DLG2: variants seen among roughly 807,000 people sequenced by gnomAD.
The protein encoded by DLG2 is disks large homolog 2.
A neutral mutation model predicts 132.5 loss-of-function variants in DLG2; 45 were observed. The observed-to-expected ratio is 0.34, with a 90% CI of 0.27 to 0.44. DLG2 has a LOEUF of 0.44. Ranked by LOEUF, DLG2 falls within the 20% of genes least tolerant of loss-of-function variation. DLG2 has a pLI of 1.00. For missense variants in DLG2, 1,045 were observed against 1,196.9 expected (o/e 0.87, Z 1.87); for synonymous variants, 424 against 419.6 (o/e 1.01, Z -0.13).
intron 7 of DLG2, among the ~76,000 whole-genome samples, chr11:84,454,716 G>A (rs144987981): frequency 6.6e-6 from 1 of 151,418 alleles, no homozygotes; most frequent in African/African-American, 2.4e-5. Flanking sequence ...TAATCCAGCT[G>A]AGAAAATAAG....
Position 83,868,911 on chromosome 11 carries a change from T to C in DLG2, c.1565+5509A>G, listed in dbSNP as rs189171211. Among the ~76,000 whole-genome samples, 8 of 152,208 alleles carry C rather than the reference T, an allele frequency of 5.3e-5. No homozygotes were observed. In the East Asian group the frequency reaches 7.7e-4, roughly 15 times the overall value. On this transcript the variant is annotated intron_variant, in intron 16 of 27. Coordinates refer to ENST00000376104, the MANE Select transcript of DLG2 (RefSeq NM_001142699.3). ...ACAGATGGATCTCTGAATGTGTGGA[T>C]AGAGATGACTCAAGCCAACTAGCCC...
intron 18 of DLG2, among the ~76,000 whole-genome samples, chr11:83,755,751 G>C (rs2093618136): frequency 6.6e-6 from 1 of 151,372 alleles, no homozygotes; most frequent in South Asian, 2.1e-4. Context: ...GGAGAAAGGG[G>C]AAAGAGGGAG....
At chr11:83,880,120 G>A in intron 15 of DLG2, among the ~76,000 whole-genome samples, 1 of 152,082 alleles carries the variant, frequency 6.6e-6, no homozygotes, top group Non-Finnish European at 1.5e-5. Flanking sequence ...GACTGTGGAT[G>A]GGCAATGAGG....
chr11:83,651,287 CA>C (rs967224901), intron 18 of DLG2, among the ~76,000 whole-genome samples: 6 of 152,002 alleles, frequency 3.9e-5, no homozygotes, highest in South Asian at 2.1e-4. Context: ...CTGGGGTGAC[CA>C]GGGGCAAATT....
rs905818964 is a variant in DLG2 at position 83,810,029 on chromosome 11, C to T, written c.1723-23237G>A. ...ATAACTATGCATAAAAAGCATAAAT[C>T]ACTCACCAACAAATTGTATAAACTA... On this transcript the variant is annotated intron_variant, in intron 17 of 27. Coordinates refer to ENST00000376104, the MANE Select transcript of DLG2 (RefSeq NM_001142699.3). Among the ~76,000 whole-genome samples the T allele has an allele frequency of 4.6e-5, 7 of 152,248 alleles. No individual in the cohort carries two copies. In the East Asian group the frequency reaches 7.7e-4, roughly 17 times the overall value.
At chr11:83,489,294 A>G (rs1398285908) in intron 21 of DLG2, among the ~76,000 whole-genome samples, 2 of 151,988 alleles carry the variant, frequency 1.3e-5, no homozygotes, top group Non-Finnish European at 2.9e-5. Flanking sequence ...TAAAAATGCA[A>G]TCAATCAGCA....
intron 21 of DLG2, among the ~76,000 whole-genome samples, chr11:83,526,396 T>C (rs957933591): frequency 1.3e-5 from 2 of 152,172 alleles, no homozygotes; most frequent in Admixed American, 1.3e-4. Context: ...GCCAGACTGA[T>C]CTCTCAGAAA....
intron 15 of DLG2, among the ~76,000 whole-genome samples, chr11:83,889,486 G>C (rs2069006704): frequency 6.6e-6 from 1 of 152,158 alleles, no homozygotes; most frequent in Non-Finnish European, 1.5e-5. Context: ...TGGAGAAATA[G>C]GAACACTTTT....
intron 11 of DLG2, among the ~76,000 whole-genome samples, chr11:83,997,156 G>A (rs1483386): frequency 0.65 from 98,000 of 151,556 alleles, 34,964 homozygotes; most frequent in Non-Finnish European, 0.81. Flanking sequence ...AATACTTAAA[G>A]GGGTGAAAAA....
intron 10 of DLG2, among the ~76,000 whole-genome samples, chr11:84,076,781 T>A (rs1431905216): frequency 6.6e-6 from 1 of 152,200 alleles, no homozygotes; most frequent in African/African-American, 2.4e-5. Context: ...GCTGTCCCTC[T>A]TTCTAAAAAG....
chr11:84,284,969 T>C (rs1327974895), intron 7 of DLG2, among the ~76,000 whole-genome samples: 1 of 152,230 alleles, frequency 6.6e-6, no homozygotes, highest in Non-Finnish European at 1.5e-5. Context: ...TGTTAGGAAT[T>C]CTTTATATTT....
chr11:84,882,825 C>T (rs1362578245), intron 6 of DLG2, among the ~76,000 whole-genome samples: 3 of 151,966 alleles, frequency 2.0e-5, no homozygotes, highest in African/African-American at 7.2e-5. Context: ...GTAGAATTTT[C>T]AACAGTTCTT....
intron 5 of DLG2, among the ~76,000 whole-genome samples, chr11:85,150,042 CAG>C (rs2077129538): frequency 1.1e-5 from 1 of 90,158 alleles, no homozygotes; most frequent in Non-Finnish European, 1.9e-5. Context: ...TTTTTTGAGA[CAG>C]AGTCTCACTC....
At chr11:84,660,570 A>T (rs1464141968) in intron 6 of DLG2, among the ~76,000 whole-genome samples, 1 of 152,156 alleles carries the variant, frequency 6.6e-6, no homozygotes, top group East Asian at 1.9e-4. Flanking sequence ...AATCTGAGGC[A>T]GGGCAGTAGA....
intron 21 of DLG2, among the ~76,000 whole-genome samples, chr11:83,523,176 A>T (rs937483465): frequency 2.0e-5 from 3 of 152,240 alleles, no homozygotes; most frequent in Non-Finnish European, 4.4e-5. Context: ...GATGAAAGGA[A>T]GTCCTATAGT....
intron 6 of DLG2, among the ~76,000 whole-genome samples, chr11:84,560,450 TAGA>T (rs555632391): frequency 2.0e-5 from 3 of 152,232 alleles, no homozygotes; most frequent in South Asian, 2.1e-4. Context: ...TAATTGGAAG[TAGA>T]AGAACTTAAT....
intron 18 of DLG2, among the ~76,000 whole-genome samples, chr11:83,652,699 C>G (rs933105408): frequency 6.6e-6 from 1 of 152,086 alleles, no homozygotes; most frequent in African/African-American, 2.4e-5. Flanking sequence ...AGTGTGTTGT[C>G]TTAATATCAT....
intron 15 of DLG2, among the ~76,000 whole-genome samples, chr11:83,912,457 C>T (rs1462918196): frequency 6.6e-6 from 1 of 152,050 alleles, no homozygotes; most frequent in Non-Finnish European, 1.5e-5. Context: ...CAAAAAATGG[C>T]ACCGTGAAAA....
At chr11:85,461,270 T>C (rs1173231184) in intron 3 of DLG2, among the ~76,000 whole-genome samples, 1 of 152,242 alleles carries the variant, frequency 6.6e-6, no homozygotes, top group Admixed American at 6.5e-5. Context: ...AAGTTTATTA[T>C]ATACTCCATT....
Sources: gnomAD v4.1 joint callset for allele counts (sites outside exome capture counted in the v4.1 genomes callset) on GRCh38, gnomAD v4.1.1 for gene constraint, MANE v1.5 for transcripts, NCBI Gene and HGNC (gene_info 2026-07-23, HGNC 2026-07-21) for gene names.